The following LMNTD1 variants were observed in gnomAD, a reference collection of about 807,000 sequenced individuals.
LMNTD1 encodes the protein lamin tail domain-containing protein 1.
In LMNTD1, 35 loss-of-function variants were observed where a neutral mutation model predicts 50.9. The ratio of observed to expected loss-of-function variants is 0.69; its 90% confidence interval spans 0.53 to 0.91. The LOEUF (loss-of-function observed/expected upper bound fraction) is 0.91, where lower values mean the gene tolerates loss of function less well. LMNTD1 is among the 40% of genes least tolerant of loss of function. The pLI is 0.00. For missense variants in LMNTD1, 470 were observed against 475.5 expected (o/e 0.99, Z 0.11); for synonymous variants, 153 against 161.9 (o/e 0.94, Z 0.42).
At chr12:25,477,873 C>A (rs1938321444) in intron 9 of LMNTD1, among the ~76,000 whole-genome samples, 1 of 151,992 alleles carries the variant, frequency 6.6e-6, no homozygotes, top group Non-Finnish European at 1.5e-5. Context: ...CAAGGTCCCA[C>A]AATATAGGCT....
chr12:25,526,725 T>C (rs774429128), intron 5 of LMNTD1, 44 bp downstream of exon 5: 31 of 1,355,192 alleles, frequency 2.3e-5, no homozygotes, highest in Non-Finnish European at 2.8e-5. Context: ...AACAAGTTTG[T>C]CCTGTACAAT....
intron 1 of LMNTD1, among the ~76,000 whole-genome samples, chr12:25,639,451 C>T (rs1946904764): frequency 6.6e-6 from 1 of 152,046 alleles, no homozygotes; most frequent in Non-Finnish European, 1.5e-5. Context: ...AAGAACCCTT[C>T]CAACTCAACA....
At chr12:25,603,942 A>G (rs924393778) in intron 1 of LMNTD1, among the ~76,000 whole-genome samples, 13 of 135,612 alleles carry the variant, frequency 9.6e-5, no homozygotes, top group African/African-American at 3.0e-4. Flanking sequence ...ACACATACGA[A>G]TATTGGGGGG....
In LMNTD1 at chr12:25,527,665, TATATATATATATATATAC is replaced by T. The variant is rs1442603144; in HGVS notation, c.492-728_492-711del. On this transcript the variant is annotated intron_variant, in intron 4 of 9. Coordinates refer to ENST00000458174, the MANE Select transcript of LMNTD1 (RefSeq NM_001145728.2). ...CTATATATATATATATATATATATATATATATATATATATATACACACACACACACACACACACACACA... is the reference window on the plus strand; with the variant it reads ...CTATATATATATATATATATATATATACACACACACACACACACACACACA... 4.5e-4 allele frequency among the ~76,000 whole-genome samples: 22 copies of T among 49,032 alleles called. 1 individual carries two copies. The highest frequency in any genetic ancestry group is 0.017 in the Middle Eastern group (2 of 120). The allele number at this position is 49,032 out of a possible 152,430, so 32.2% of individuals were successfully genotyped here.
intron 1 of LMNTD1, among the ~76,000 whole-genome samples, chr12:25,594,651 C>CAAAAAAA (rs61299586): frequency 0.033 from 2,315 of 69,392 alleles, 1 homozygote; most frequent in Non-Finnish European, 0.045. Context: ...AACAGAAATA[C>CAAAAAAA]AAAAAAAAAA....
At chr12:25,592,489 C>T in intron 1 of LMNTD1, 1 of 152,170 alleles carries the variant, frequency 6.6e-6, no homozygotes, top group East Asian at 1.9e-4. Context: ...AAAATTCTGA[C>T]CTTACCTGGA....
chr12:25,495,249 C>CGT (rs1207389869), intron 9 of LMNTD1, among the ~76,000 whole-genome samples: 15,819 of 144,640 alleles, frequency 0.11, 951 homozygotes, highest in African/African-American at 0.15. Flanking sequence ...AAAGTGTGTA[C>CGT]GTGTGTGTGT....
upstream of LMNTD1, among the ~76,000 whole-genome samples, chr12:25,555,798 T>A (rs533959809): frequency 6.6e-5 from 10 of 152,158 alleles, no homozygotes; most frequent in African/African-American, 2.4e-4. Flanking sequence ...TATTTTTGAC[T>A]GCAAATATCT....
chr12:25,608,103 T>G (rs1946156291), intron 1 of LMNTD1, among the ~76,000 whole-genome samples: 1 of 152,280 alleles, frequency 6.6e-6, no homozygotes, highest in South Asian at 2.1e-4. Context: ...CTTCTTTGTC[T>G]CTTTTGATCT....
chr12:25,644,491 TACAA>T (rs1162332306), intron 1 of LMNTD1, among the ~76,000 whole-genome samples: 7 of 150,106 alleles, frequency 4.7e-5, no homozygotes, highest in Admixed American at 2.0e-4. Context: ...CAAACAAACA[TACAA>T]ACAAACGAAC....
intron 1 of LMNTD1, among the ~76,000 whole-genome samples, chr12:25,646,475 C>A (rs1439448908): frequency 2.6e-5 from 4 of 152,188 alleles, no homozygotes; most frequent in Non-Finnish European, 4.4e-5. Context: ...CAGTATCCAA[C>A]CTAGCCCTAG....
At chr12:25,501,060 G>A (rs1001900938) in intron 9 of LMNTD1, among the ~76,000 whole-genome samples, 1 of 152,184 alleles carries the variant, frequency 6.6e-6, no homozygotes, top group Non-Finnish European at 1.5e-5. Context: ...TGCAATCTCA[G>A]CTCACTGCAG....
At chr12:25,515,188 A>T (rs201168191) in intron 8 of LMNTD1, among the ~76,000 whole-genome samples, 1 of 151,160 alleles carries the variant, frequency 6.6e-6, no homozygotes, top group Admixed American at 6.6e-5. Context: ...GACTTGGTAA[A>T]TTTTTTTTTA....
In LMNTD1 at chr12:25,524,177, C is replaced by T. The variant is rs71450487; in HGVS notation, c.798+1922G>A. Reference sequence around the variant, plus strand: ...ACAGAGTTGATATTTCTGACCTGGGCTGCCCATATTTTATTAAAGCATTGT... The same window carrying T: ...ACAGAGTTGATATTTCTGACCTGGGTTGCCCATATTTTATTAAAGCATTGT... On this transcript the variant is annotated intron_variant, in intron 6 of 9. Coordinates refer to ENST00000458174, the MANE Select transcript of LMNTD1 (RefSeq NM_001145728.2). Among the ~76,000 whole-genome samples, 597 of 152,280 alleles carry T rather than the reference C, an allele frequency of 3.9e-3. 6 individuals carry two copies. The highest frequency in any genetic ancestry group is 0.011 in the Admixed American group (174 of 15,300).
intron 1 of LMNTD1, among the ~76,000 whole-genome samples, chr12:25,578,150 GCA>G (rs141985869): frequency 2.6e-5 from 4 of 151,672 alleles, no homozygotes; most frequent in Admixed American, 6.6e-5. Flanking sequence ...GTGCACACAT[GCA>G]CACACACACA....
At chr12:25,630,740 GA>G (rs1476211567) in intron 1 of LMNTD1, 1 of 152,434 alleles carries the variant, frequency 6.6e-6, no homozygotes, top group African/African-American at 2.4e-5. Context: ...GGAGGAGCAG[GA>G]GGAGGAGGCA....
intron 1 of LMNTD1, among the ~76,000 whole-genome samples, chr12:25,581,240 G>A (rs142162035): frequency 1.0e-3 from 153 of 152,284 alleles, no homozygotes; most frequent in East Asian, 5.2e-3. Flanking sequence ...TAAAGGCCCC[G>A]CGCAGTGCTT....
At chr12:25,562,978 C>T (rs1944399855) in intron 1 of LMNTD1, among the ~76,000 whole-genome samples, 1 of 152,218 alleles carries the variant, frequency 6.6e-6, no homozygotes, top group South Asian at 2.1e-4. Context: ...CCATGGTTTT[C>T]AGCTCCATCA....
intron 1 of LMNTD1, among the ~76,000 whole-genome samples, chr12:25,585,795 C>T (rs1249472649): frequency 6.6e-6 from 1 of 152,204 alleles, no homozygotes; most frequent in African/African-American, 2.4e-5. Flanking sequence ...TGGGGTGACA[C>T]AAGGTTGTTC....
Sources: allele counts gnomAD v4.1 joint callset (sites outside exome capture counted in the v4.1 genomes callset), GRCh38; gene constraint gnomAD v4.1.1; transcripts MANE v1.5; gene names NCBI Gene and HGNC (gene_info 2026-07-23, HGNC 2026-07-21).